TRAPPC12: variants seen among roughly 807,000 people sequenced by gnomAD.
TRAPPC12 encodes the protein trafficking protein particle complex subunit 12.
TRAPPC12 carries 61 observed loss-of-function variants against 69.2 expected under a neutral mutation model. The observed-to-expected ratio is 0.88, with a 90% confidence interval of 0.72 to 1.09. The LOEUF (loss-of-function observed/expected upper bound fraction) is 1.09. TRAPPC12 is among the 50% of genes least tolerant of loss of function. The probability of loss-of-function intolerance (pLI) is 0.00; values close to 1 mark genes in which losing one functional copy is unlikely to be tolerated. For synonymous variants in TRAPPC12, 469 were observed against 438.9 expected, an observed-to-expected ratio of 1.07 and a Z score of -0.86; for missense variants, 1,101 against 1,016.4, an observed-to-expected ratio of 1.08 and a Z score of -1.13.
At chr2:3,386,662 G>A (rs1346061576) in intron 1 of TRAPPC12, among the ~76,000 whole-genome samples, 1 of 146,622 alleles carries the variant, frequency 6.8e-6, no homozygotes, top group Non-Finnish European at 1.5e-5. Flanking sequence ...CATTCGCACT[G>A]TATCAGATTT....
chr2:3,459,790 G>A (rs1665386313), intron 7 of TRAPPC12: 1 of 253,682 alleles, frequency 3.9e-6, no homozygotes, highest in African/African-American at 2.3e-5. Flanking sequence ...CCATGGTCGG[G>A]AGGCAGGGGA....
intron 2 of TRAPPC12, among the ~76,000 whole-genome samples, chr2:3,391,328 C>T (rs1339248468): frequency 6.6e-6 from 1 of 152,156 alleles, no homozygotes; most frequent in Non-Finnish European, 1.5e-5. Context: ...CTCCTGAACA[C>T]AAATAGGTAA....
intron 6 of TRAPPC12, among the ~76,000 whole-genome samples, chr2:3,445,744 A>G (rs747294287): frequency 8.5e-5 from 13 of 152,258 alleles, no homozygotes; most frequent in Non-Finnish European, 1.6e-4. Flanking sequence ...GCCTGGCTTC[A>G]TCACTATAAC....
At chr2:3,461,819 C>T (rs1665520663) in intron 8 of TRAPPC12, among the ~76,000 whole-genome samples, 1 of 151,592 alleles carries the variant, frequency 6.6e-6, no homozygotes, top group Non-Finnish European at 1.5e-5. Context: ...CCCTCCTGCT[C>T]CCCTGCCCTG....
intron 6 of TRAPPC12, among the ~76,000 whole-genome samples, chr2:3,452,438 T>C (rs1281268161): frequency 6.6e-6 from 1 of 152,212 alleles, no homozygotes; most frequent in Non-Finnish European, 1.5e-5. Context: ...TGCTCAGGAA[T>C]GCATGGCCGC....
intron 2 of TRAPPC12, among the ~76,000 whole-genome samples, chr2:3,400,619 G>A (rs951487939): frequency 2.6e-5 from 4 of 152,202 alleles, no homozygotes; most frequent in Non-Finnish European, 4.4e-5. Flanking sequence ...CCTGCCGCCC[G>A]TGGAGAGCAT....
chr2:3,441,587 G>T (rs1350040712), intron 5 of TRAPPC12, among the ~76,000 whole-genome samples: 2 of 148,486 alleles, frequency 1.3e-5, no homozygotes, highest in Non-Finnish European at 3.0e-5. Flanking sequence ...CCTGTTTTCA[G>T]TTTCACTGAT....
At position 3,380,758 on chromosome 2, in the gene TRAPPC12, C is replaced by G. The variant is rs73910519; in HGVS notation, c.-5+882C>G. Among the ~76,000 whole-genome samples the G allele has an allele frequency of 5.5e-3, 843 of 152,310 alleles. 10 individuals are homozygous for G. Among genetic ancestry groups the G allele is most frequent in the African/African-American group, 0.019 (805 of 41,568 alleles). On this transcript the variant is annotated intron_variant, in intron 1 of 11. Coordinates refer to ENST00000324266, the MANE Select transcript of TRAPPC12 (RefSeq NM_016030.6). ...TGGGATCTTCTTCACAGTTACTAAA[C>G]TGGGTGTTGCCACTCTGCTTTATCA...
At chr2:3,400,172 G>T (rs1368274689) in intron 2 of TRAPPC12, among the ~76,000 whole-genome samples, 3 of 152,152 alleles carry the variant, frequency 2.0e-5, no homozygotes, top group Admixed American at 6.5e-5. Flanking sequence ...CCGGCTGCTT[G>T]CTGTCTCCAG....
At chr2:3,457,988 A>G in intron 7 of TRAPPC12, 1 of 1,251,706 alleles carries the variant, frequency 8.0e-7, no homozygotes, top group Non-Finnish European at 1.0e-6. Flanking sequence ...AGTGGGCGCG[A>G]GGAAGGAGCC....
chr2:3,409,203 G>C (rs1386409623), intron 3 of TRAPPC12, among the ~76,000 whole-genome samples: 2 of 152,188 alleles, frequency 1.3e-5, no homozygotes, highest in African/African-American at 4.8e-5. Context: ...CCCGACAAAG[G>C]ATATGATAGC....
rs140833862 is a variant in TRAPPC12, at chr2:3,406,218, T to C, written c.1164+4325T>C. Among the ~76,000 whole-genome samples the C allele has an allele frequency of 3.1e-3, 473 of 152,298 alleles. 4 individuals carry two copies. The highest frequency in any genetic ancestry group is 0.01 in the Middle Eastern group (3 of 294). ...ACATACACACACAGGTCTGTACTCA[T>C]TAACTCGGAGTAAGCGCAAAAACCC... On this transcript the variant is annotated intron_variant, in intron 3 of 11. Transcript: ENST00000324266.
At chr2:3,382,261 A>AGGATTGTATTCCTTTTATGATAC (rs1660248246) in intron 1 of TRAPPC12, among the ~76,000 whole-genome samples, 1 of 151,372 alleles carries the variant, frequency 6.6e-6, no homozygotes, top group Non-Finnish European at 1.5e-5. Context: ...CAGCCTCCCA[A>AGGATTGTATTCCTTTTATGATAC]GTAGCTGAGA....
At chr2:3,424,207 G>C (rs1370071138) in intron 4 of TRAPPC12, among the ~76,000 whole-genome samples, 3 of 152,164 alleles carry the variant, frequency 2.0e-5, no homozygotes, top group Non-Finnish European at 2.9e-5. Flanking sequence ...CATTCACATT[G>C]TTATTAAGCT....
intron 5 of TRAPPC12, among the ~76,000 whole-genome samples, chr2:3,438,286 A>G (rs1355558956): frequency 2.5e-4 from 4 of 16,028 alleles, no homozygotes; most frequent in Non-Finnish European, 4.6e-4. Context: ...TCCCCCCACC[A>G]TCCCTGGATT....
At chr2:3,386,690 A>G (rs1660508338) in intron 1 of TRAPPC12, among the ~76,000 whole-genome samples, 1 of 148,234 alleles carries the variant, frequency 6.7e-6, no homozygotes. Context: ...CAGGCAGATA[A>G]TATGAGCTGG....
rs529746013 is a variant in TRAPPC12, at chr2:3,387,873, G to T, written c.250G>T (p.Asp84Tyr). 3.3e-5 allele frequency: 52 copies of T among 1,588,180 alleles called. No homozygotes were observed. The Admixed American group carries it at 5.7e-4, about 17-fold the overall frequency. ...CCCCAACAGCGAGGGCGACGCGGGC[G>T]ACCTGGGCCGAGTGCGGGACGAAGC... ...DSPNSEGDAG[D>Y]LGRVRDEAEP... is the part of the protein sequence containing the mutation. Residue 84 changes from aspartate (D) to tyrosine (Y), a missense_variant, in exon 2 of 12, where the codon GAC becomes TAC. Physicochemically the swap from Asp to Tyr is radical, Grantham distance 160. Coordinates refer to ENST00000324266, the MANE Select transcript of TRAPPC12 (RefSeq NM_016030.6).
At position 3,387,923 on chromosome 2, in the gene TRAPPC12, A is replaced by G; in HGVS notation, c.300A>G (p.Pro100=). Residue 100 remains proline (P), a synonymous_variant, in exon 2 of 12, where the codon CCA becomes CCG. Coordinates refer to ENST00000324266, the MANE Select transcript of TRAPPC12 (RefSeq NM_016030.6). The stretch of plus-strand genomic sequence containing the variant: ...CTGAGCCCGGAGGGGAAGGCGACCC[A>G]GGCCCGGAGCCCGCGGGCACCCCGA... The part of the protein sequence containing the change: ...DEAEPGGEGD[P]GPEPAGTPSP... 6.6e-7 allele frequency: 1 copy of G among 1,520,856 alleles called. No homozygotes were observed. Among genetic ancestry groups the G allele is most frequent in the Non-Finnish European group, 8.8e-7 (1 of 1,134,988 alleles). 94.2% of individuals were successfully genotyped at this position (1,520,856 alleles called of 1,614,324 possible). A position where few individuals can be genotyped will look rare whatever the true frequency, so the allele number is the denominator to read the frequency against.
chr2:3,388,594 C>T lies in TRAPPC12; in HGVS notation c.971C>T (p.Ala324Val), dbSNP rs758660243. Reference sequence around the variant, plus strand: ...ACGCGTGGAGTCCTGCGGGCCGTGGCCACCCAGCAGCGCGGCGCCGTGTTC... The same window carrying T: ...ACGCGTGGAGTCCTGCGGGCCGTGGTCACCCAGCAGCGCGGCGCCGTGTTC... ...EATRGVLRAV[A>V]TQQRGAVFVD... The change falls in exon 2 of 12, where the codon GCC becomes GTC. Residue 324 changes from alanine (A) to valine (V), a missense_variant. Ala to Val is a moderately conservative substitution (Grantham distance 64, BLOSUM62 0). Transcript: ENST00000324266. 116 of 1,610,028 alleles carry T rather than the reference C, an allele frequency of 7.2e-5. No homozygotes were observed. Among genetic ancestry groups the T allele is most frequent in the Non-Finnish European group, 9.7e-5 (114 of 1,178,288 alleles).
Sources: allele counts gnomAD v4.1 joint callset (sites outside exome capture counted in the v4.1 genomes callset), GRCh38; gene constraint gnomAD v4.1.1; transcripts MANE v1.5; gene names NCBI Gene and HGNC (gene_info 2026-07-23, HGNC 2026-07-21).